XPO6: variants seen among roughly 807,000 people sequenced by gnomAD.
XPO6 encodes the protein exportin 6.
In XPO6, 3 loss-of-function variants were observed where a neutral mutation model predicts 130.0. That is an observed-to-expected ratio of 0.02 (90% confidence interval 0.01 to 0.06). The LOEUF is 0.06. Among genes scored for constraint, XPO6 ranks in the 10% least tolerant of loss-of-function variants. The pLI, the probability that XPO6 is intolerant of heterozygous loss-of-function variation, is 1.00. For missense variants in XPO6, 970 were observed against 1,393.0 expected (o/e 0.70, Z 4.83); for synonymous variants, 524 against 548.9 (o/e 0.95, Z 0.63).
intron 11 of XPO6, among the ~76,000 whole-genome samples, 199 bp downstream of exon 11, chr16:28,133,642 G>A (rs185995451): frequency 1.5e-4 from 23 of 151,182 alleles, no homozygotes; most frequent in African/African-American, 5.7e-4. Context: ...ACTAAACAAG[G>A]TTCCAAAAGT....
chr16:28,167,109 G>A (rs1383789700), intron 5 of XPO6: 1 of 979,434 alleles, frequency 1.0e-6, no homozygotes, highest in Non-Finnish European at 1.2e-6. Context: ...CTCATCCACT[G>A]CTATGGCTTC....
At chr16:28,169,178 A>G (rs2043410563) in intron 5 of XPO6, among the ~76,000 whole-genome samples, 1 of 152,148 alleles carries the variant, frequency 6.6e-6, no homozygotes, top group South Asian at 2.1e-4. Context: ...CAGCCACCCC[A>G]GTCACCCAGG....
At chr16:28,208,915 A>G (rs1168706012) in intron 1 of XPO6, 1 of 152,250 alleles carries the variant, frequency 6.6e-6, no homozygotes, top group African/African-American at 2.4e-5. Context: ...TATTCACAAT[A>G]GCCAAAGGGT....
At chr16:28,189,755 A>G (rs1486350655) in intron 1 of XPO6, among the ~76,000 whole-genome samples, 2 of 152,334 alleles carry the variant, frequency 1.3e-5, no homozygotes, top group Middle Eastern at 3.4e-3. Flanking sequence ...AGATCTAGAC[A>G]TAACTTTGCA....
intron 1 of XPO6, among the ~76,000 whole-genome samples, chr16:28,183,639 A>T (rs560885881): frequency 6.6e-6 from 1 of 152,308 alleles, no homozygotes; most frequent in South Asian, 2.1e-4. Flanking sequence ...GATCCATGTA[A>T]AACTGCTACA....
At chr16:28,150,786 C>T (rs552420889) in intron 8 of XPO6, among the ~76,000 whole-genome samples, 5 of 152,200 alleles carry the variant, frequency 3.3e-5, no homozygotes, top group East Asian at 3.9e-4. Context: ...TCAACATTCT[C>T]TCAAATCCTC....
intron 1 of XPO6, among the ~76,000 whole-genome samples, chr16:28,190,910 T>C (rs1483165151): frequency 2.9e-5 from 4 of 139,778 alleles, no homozygotes; most frequent in Admixed American, 7.2e-5. Context: ...CAAATAACGT[T>C]AACAGGACAA....
In XPO6 at chr16:28,175,586, C is replaced by T. The variant is rs1028282181; in HGVS notation, c.405+312G>A. Among the ~76,000 whole-genome samples, 7 of 152,274 alleles carry T rather than the reference C, an allele frequency of 4.6e-5. No homozygotes were observed. In the East Asian group the frequency reaches 5.8e-4, roughly 13 times the overall value. On this transcript the variant is annotated intron_variant, in intron 4 of 23. Transcript: ENST00000304658. ...TTGCACAGCTATTTCCCCCACTAAA[C>T]GCCGAAACTACTGAAAGCCTCACCC...
chr16:28,169,047 ACTT>A (rs569029090), intron 5 of XPO6, among the ~76,000 whole-genome samples: 27 of 152,060 alleles, frequency 1.8e-4, no homozygotes, highest in Non-Finnish European at 3.2e-4. Flanking sequence ...AGAGATAAAA[ACTT>A]CTTTTCACTA....
At position 28,127,071 on chromosome 16, in the gene XPO6, G is replaced by A. The variant is rs556398565; in HGVS notation, c.1607-1223C>T. Among the ~76,000 whole-genome samples, 28 of 152,308 alleles carry A rather than the reference G, an allele frequency of 1.8e-4. 1 individual carries two copies. The South Asian group carries it at 2.1e-3, about 11-fold the overall frequency. ...TTGCAGCTCCCCTGAAGCAGGTGCTGAAGCCTCTGGAGGCTCTCTCCTGCT... is the reference window on the plus strand; with the variant it reads ...TTGCAGCTCCCCTGAAGCAGGTGCTAAAGCCTCTGGAGGCTCTCTCCTGCT... On this transcript the variant is annotated intron_variant, in intron 12 of 23. Transcript: ENST00000304658.
chr16:28,144,989 T>A (rs1026437127), intron 9 of XPO6, among the ~76,000 whole-genome samples: 1 of 152,148 alleles, frequency 6.6e-6, no homozygotes, highest in Non-Finnish European at 1.5e-5. Context: ...CCACCTAATC[T>A]GAAATTGCTC....
intron 6 of XPO6, 96 bp downstream of exon 6, chr16:28,166,412 G>A: frequency 1.5e-6 from 2 of 1,299,238 alleles, no homozygotes; most frequent in East Asian, 2.6e-5. Context: ...TCCCACCTCA[G>A]CCTCCTCAGT....
chr16:28,205,456 C>T (rs1444625363), intron 1 of XPO6, among the ~76,000 whole-genome samples: 1 of 152,284 alleles, frequency 6.6e-6, no homozygotes, highest in East Asian at 1.9e-4. Flanking sequence ...CCTGGGAAGC[C>T]TTCCCTGACT....
chr16:28,148,453 A>G (rs929126106), intron 8 of XPO6, among the ~76,000 whole-genome samples: 11 of 152,294 alleles, frequency 7.2e-5, no homozygotes, highest in Admixed American at 5.2e-4. Flanking sequence ...CTAACTTTTC[A>G]AAACCTTCAC....
At chr16:28,203,820 T>C (rs531025438) in intron 1 of XPO6, among the ~76,000 whole-genome samples, 3 of 152,332 alleles carry the variant, frequency 2.0e-5, no homozygotes, top group Non-Finnish European at 4.4e-5. Flanking sequence ...AGGCAGGCCC[T>C]TGTCACATCC....
At chr16:28,143,661 C>G (rs997368012) in intron 9 of XPO6, among the ~76,000 whole-genome samples, 10 of 152,030 alleles carry the variant, frequency 6.6e-5, no homozygotes, top group African/African-American at 2.4e-4. Flanking sequence ...TTTTTTTAAA[C>G]AGTCTCATTC....
In XPO6 at chr16:28,132,182, A is replaced by C; in HGVS notation, c.1606+152T>G. 2 of 651,580 alleles carry C rather than the reference A, an allele frequency of 3.1e-6. No individual in the cohort carries two copies. Among genetic ancestry groups the C allele is most frequent in the South Asian group, 3.5e-5 (2 of 56,878 alleles). The allele number at this position is 651,580 out of a possible 1,614,324, so 40.4% of individuals were successfully genotyped here. On this transcript the variant is annotated intron_variant, in intron 12 of 23. Transcript: ENST00000304658. This position sits in a 1 kb window ranked among gnomAD's most constrained non-coding sequence, Gnocchi z 4.0. ...CCACAGCTTTTCATCATAAGCCTTT[A>C]AAAACGTTCCCTGTTTCGAAGTGGG...
intron 2 of XPO6, among the ~76,000 whole-genome samples, chr16:28,177,599 A>G (rs1400166763): frequency 2.0e-5 from 3 of 152,184 alleles, no homozygotes; most frequent in African/African-American, 4.8e-5. Context: ...TTTCACTGCT[A>G]AAGTTCTTAT....
At chr16:28,119,951 C>T (rs2087186453) in intron 14 of XPO6, among the ~76,000 whole-genome samples, 1 of 152,076 alleles carries the variant, frequency 6.6e-6, no homozygotes, top group African/African-American at 2.4e-5. Context: ...AAGCGACTCT[C>T]CCAGCTCAGC....
Sources: gnomAD v4.1 joint callset for allele counts (sites outside exome capture counted in the v4.1 genomes callset) on GRCh38, gnomAD v4.1.1 for gene constraint, Gnocchi (gnomAD v3.1) non-coding constraint, MANE v1.5 for transcripts, NCBI Gene and HGNC (gene_info 2026-07-23, HGNC 2026-07-21) for gene names.